Variants in MACROD2 observed in about 807,000 individuals in gnomAD.
The protein encoded by MACROD2 is ADP-ribose glycohydrolase MACROD2.
A neutral mutation model predicts 70.4 loss-of-function variants in MACROD2; 36 were observed. The observed-to-expected ratio is 0.51, with a 90% confidence interval of 0.39 to 0.68. The LOEUF (loss-of-function observed/expected upper bound fraction) is 0.68, where lower values mean the gene tolerates loss of function less well. Ranked by LOEUF, MACROD2 falls within the 30% of genes least tolerant of loss-of-function variation. The pLI is 0.00. For synonymous variants in MACROD2, 172 were observed against 178.8 expected (o/e 0.96, Z 0.30); for missense variants, 496 against 538.4 (o/e 0.92, Z 0.78).
chr20:14,805,694 A>G (rs2072630644), intron 5 of MACROD2, among the ~76,000 whole-genome samples: 2 of 152,074 alleles, frequency 1.3e-5, no homozygotes, highest in South Asian at 2.1e-4. Flanking sequence ...TGCCAGCCAT[A>G]GTGGGTGAAC....
At chr20:15,129,670 G>A (rs1007812712) in intron 5 of MACROD2, among the ~76,000 whole-genome samples, 10 of 152,054 alleles carry the variant, frequency 6.6e-5, no homozygotes, top group Non-Finnish European at 1.2e-4. Context: ...GCTTTGCTGA[G>A]TGTCAACCCT....
chr20:15,474,455 A>G (rs369874274), intron 7 of MACROD2, among the ~76,000 whole-genome samples: 4 of 152,216 alleles, frequency 2.6e-5, no homozygotes, highest in African/African-American at 9.6e-5. Context: ...CTCACACTCT[A>G]CAGTGGAGAT....
intron 5 of MACROD2, among the ~76,000 whole-genome samples, chr20:14,993,165 G>A (rs572606083): frequency 6.6e-6 from 1 of 152,182 alleles, no homozygotes; most frequent in Admixed American, 6.5e-5. Flanking sequence ...TCTAAAGCCA[G>A]TGGAATGTTT....
chr20:15,930,288 G>A (rs2065555146), intron 10 of MACROD2, among the ~76,000 whole-genome samples: 2 of 152,296 alleles, frequency 1.3e-5, no homozygotes, highest in Non-Finnish European at 2.9e-5. Flanking sequence ...ACGGGTAACT[G>A]TGTTAATGTG....
chr20:14,838,967 C>T (rs2073059176), intron 5 of MACROD2, among the ~76,000 whole-genome samples: 1 of 152,026 alleles, frequency 6.6e-6, no homozygotes, highest in African/African-American at 2.4e-5. Flanking sequence ...CATGGTCTGG[C>T]AGTAATAGAA....
chr20:14,872,592 T>C (rs2073501404), intron 5 of MACROD2, among the ~76,000 whole-genome samples: 1 of 152,148 alleles, frequency 6.6e-6, no homozygotes, highest in South Asian at 2.1e-4. Flanking sequence ...TTTCTAGATC[T>C]GTAAAATGAG....
At chr20:15,048,143 G>A (rs1167744337) in intron 5 of MACROD2, among the ~76,000 whole-genome samples, 1 of 126,352 alleles carries the variant, frequency 7.9e-6, no homozygotes, top group African/African-American at 2.7e-5. Flanking sequence ...AGGTGTGGTG[G>A]TGGGTGCCTG....
At chr20:15,104,554 A>G (rs1223939891) in intron 5 of MACROD2, among the ~76,000 whole-genome samples, 7 of 152,210 alleles carry the variant, frequency 4.6e-5, no homozygotes, top group Admixed American at 2.6e-4. Context: ...TGTTTGAATA[A>G]GTGCGTTTGA....
chr20:15,525,523 C>T (rs2047710222), intron 8 of MACROD2, among the ~76,000 whole-genome samples: 1 of 152,202 alleles, frequency 6.6e-6, no homozygotes, highest in African/African-American at 2.4e-5. Context: ...AGATTCAGAA[C>T]CACAAGGTCC....
chr20:15,105,753 C>T (rs138133450), intron 5 of MACROD2, among the ~76,000 whole-genome samples: 1 of 152,084 alleles, frequency 6.6e-6, no homozygotes, highest in Non-Finnish European at 1.5e-5. Context: ...GGTTGCCTAC[C>T]CCATGCCACG....
At chr20:14,259,791 A>G (rs1485794598) in intron 3 of MACROD2, among the ~76,000 whole-genome samples, 1 of 152,230 alleles carries the variant, frequency 6.6e-6, no homozygotes, top group Non-Finnish European at 1.5e-5. Flanking sequence ...CAGTTGCTGA[A>G]CAGTGTCTTG....
chr20:15,346,809 T>G (rs2078171409), intron 6 of MACROD2, among the ~76,000 whole-genome samples: 1 of 152,198 alleles, frequency 6.6e-6, no homozygotes, highest in Admixed American at 6.5e-5. Flanking sequence ...TTTAGTTCCT[T>G]GACACCAACC....
chr20:15,091,654 A>G (rs1291447739), intron 5 of MACROD2, among the ~76,000 whole-genome samples: 2 of 152,162 alleles, frequency 1.3e-5, no homozygotes, highest in African/African-American at 4.8e-5. Flanking sequence ...TTCTTACCAC[A>G]GTAGTTGTTT....
chr20:15,424,950 C>A (rs1412522846), intron 6 of MACROD2, among the ~76,000 whole-genome samples: 1 of 152,138 alleles, frequency 6.6e-6, no homozygotes, highest in Non-Finnish European at 1.5e-5. Context: ...GCTAACCAAC[C>A]AATTAGGGGC....
chr20:14,899,026 C>A (rs2073864119), intron 5 of MACROD2, among the ~76,000 whole-genome samples: 1 of 152,144 alleles, frequency 6.6e-6, no homozygotes, highest in Non-Finnish European at 1.5e-5. Context: ...ATGCCATTGT[C>A]AACATGACTA....
chr20:15,016,696 G>T (rs993480123), intron 5 of MACROD2, among the ~76,000 whole-genome samples: 1 of 152,116 alleles, frequency 6.6e-6, no homozygotes, highest in African/African-American at 2.4e-5. Context: ...AAGAAAGGTT[G>T]AATTGGACTT....
At chr20:15,966,686 G>A (rs912121017) in intron 12 of MACROD2, among the ~76,000 whole-genome samples, 5 of 152,172 alleles carry the variant, frequency 3.3e-5, no homozygotes, top group Non-Finnish European at 5.9e-5. Flanking sequence ...AGGTTGCAGC[G>A]AGCTACGGTT....
chr20:15,303,676 C>A (rs984562125), intron 6 of MACROD2, among the ~76,000 whole-genome samples: 4 of 152,188 alleles, frequency 2.6e-5, no homozygotes, highest in Non-Finnish European at 4.4e-5. Context: ...CACTCAGAAC[C>A]ATTTATCAGT....
intron 4 of MACROD2, among the ~76,000 whole-genome samples, chr20:14,559,084 G>A (rs777406223): frequency 1.3e-5 from 2 of 151,708 alleles, no homozygotes; most frequent in East Asian, 3.9e-4. Context: ...TAAAATGAAT[G>A]AGAAGATCTC....
Sources: allele counts gnomAD v4.1 joint callset (sites outside exome capture counted in the v4.1 genomes callset), GRCh38; gene constraint gnomAD v4.1.1; transcripts MANE v1.5; gene names NCBI Gene and HGNC (gene_info 2026-07-23, HGNC 2026-07-21).